The following DST variants were observed in gnomAD, a reference collection of about 807,000 sequenced individuals.
The protein encoded by DST is bullous pemphigoid antigen.
DST carries 253 observed loss-of-function variants against 875.2 expected under a neutral mutation model. The ratio of observed to expected loss-of-function variants is 0.29; its 90% confidence interval spans 0.26 to 0.32. The LOEUF (loss-of-function observed/expected upper bound fraction) is 0.32. Among genes scored for constraint, DST ranks in the 10% least tolerant of loss-of-function variants. The pLI, the probability that DST is intolerant of heterozygous loss-of-function variation, is 1.00. For missense variants in DST, 8,287 were observed against 9,111.6 expected, an observed-to-expected ratio of 0.91 and a Z score of 3.68; for synonymous variants, 3,124 against 3,197.1, an observed-to-expected ratio of 0.98 and a Z score of 0.77.
intron 61 of DST, among the ~76,000 whole-genome samples, chr6:56,545,934 TGAAAAC>T (rs2097213411): frequency 1.3e-5 from 2 of 152,186 alleles, no homozygotes; most frequent in Admixed American, 1.3e-4. Flanking sequence ...CATTAGCTAA[TGAAAAC>T]TGAAGGCATG....
At chr6:56,943,978 G>A (rs144693901) in intron 2 of DST, among the ~76,000 whole-genome samples, 6,207 of 152,026 alleles carry the variant, frequency 0.041, 173 homozygotes, top group Non-Finnish European at 0.066. Flanking sequence ...TTAGCTGGGC[G>A]TGGTGGTGAG....
rs765727532 is a variant in DST at position 56,606,472 on chromosome 6, T to C, written c.8156A>G (p.Gln2719Arg). 5 of 1,613,452 alleles carry C rather than the reference T, an allele frequency of 3.1e-6. No homozygotes were observed. The Admixed American group carries it at 8.4e-5, about 27-fold the overall frequency. ...CCTTTCTGATCCAGTTTCCAGTGAC[T>C]GTCCATTCACCTTATCTGAGCCAAC... ...NPVGSDKVNG[Q>R]SLETGSEREC... Residue 2719 changes from glutamine (Q) to arginine (R), a missense_variant, in exon 40 of 104, where the codon CAG becomes CGG. By Grantham distance (43) the Gln-to-Arg change is conservative. This residue lies in a region of DST where 3,138 missense variants were observed against 3,116.6 expected (regional missense o/e 1.01). Coordinates refer to ENST00000680361, the MANE Select transcript of DST (RefSeq NM_001374736.1).
chr6:56,672,779 ATTG>A lies in DST; in HGVS notation c.1048-1975_1048-1973del, dbSNP rs1298198211. Among the ~76,000 whole-genome samples, 3 of 152,152 alleles carry A rather than the reference ATTG, an allele frequency of 2.0e-5. No homozygotes were observed. The East Asian group carries it at 5.8e-4, about 29-fold the overall frequency. On this transcript the variant is annotated intron_variant, in intron 9 of 103. Coordinates refer to ENST00000680361, the MANE Select transcript of DST (RefSeq NM_001374736.1). ...ATGCATAATACAGATGAGCTATGTT[ATTG>A]TTGTAGTTATTGTTATTCTTTCTGA... is the stretch of plus-strand genomic sequence containing the variant.
In DST at chr6:56,752,956, T is replaced by TAAAA. The variant is rs573390156; in HGVS notation, c.626-17668_626-17667insTTTT. On this transcript the variant is annotated intron_variant, in intron 4 of 103. Coordinates refer to ENST00000680361, the MANE Select transcript of DST (RefSeq NM_001374736.1). ...ACAGACATGCACCACCACACCTGGCTAATTTTGTATTTTTAGTAGAGACGG... is the reference window on the plus strand; with the variant it reads ...ACAGACATGCACCACCACACCTGGCTAAAAAATTTTGTATTTTTAGTAGAGACGG... Among the ~76,000 whole-genome samples the TAAAA allele has an allele frequency of 1.2e-4, 19 of 152,188 alleles. No individual in the cohort carries two copies. In the South Asian group the frequency reaches 4.0e-3, roughly 32 times the overall value.
intron 5 of DST, 133 bp downstream of exon 5, chr6:56,735,095 T>C: frequency 1.4e-6 from 1 of 697,552 alleles, no homozygotes; most frequent in Non-Finnish European, 2.5e-6. Flanking sequence ...CTAAAATGCA[T>C]GCAAAATTCT....
rs948986432 is a variant in DST at position 56,619,036 on chromosome 6, C to T, written c.4930-4552G>A. Reference sequence around the variant, plus strand: ...GGATGATAATGTTCTGTTGGTCACACTTTTGCTTAAATTCACTTACCAAAT... The same window carrying T: ...GGATGATAATGTTCTGTTGGTCACATTTTTGCTTAAATTCACTTACCAAAT... On this transcript the variant is annotated intron_variant, in intron 36 of 103. Coordinates refer to ENST00000680361, the MANE Select transcript of DST (RefSeq NM_001374736.1). The T allele has an allele frequency of 1.3e-5, 21 of 1,614,184 alleles. No individual in the cohort carries two copies. Among genetic ancestry groups the T allele is most frequent in the Non-Finnish European group, 1.7e-5 (20 of 1,180,032 alleles).
In DST at chr6:56,472,088, G is replaced by A. The variant is rs751937573; in HGVS notation, c.22129C>T (p.Leu7377Phe). ...WLLALERRRK[L>F]NDALDRLEEL... ...TCTAGTCTGTCCAAGGCATCATTGA[G>A]TTTCCTCCTTCTTTCCAACGCCAGG... Residue 7377 changes from leucine to phenylalanine, a missense_variant, in exon 94 of 104, where the codon CTC becomes TTC. By Grantham distance (22) the Leu-to-Phe change is conservative. Around this residue, in one of 10 missense-constraint regions of DST, gnomAD observed 1,292 missense variants for 1,552.7 expected, o/e 0.83. Transcript: ENST00000680361. 4 of 1,613,926 alleles carry A rather than the reference G, an allele frequency of 2.5e-6. No individual in the cohort carries two copies. The highest frequency in any genetic ancestry group is 1.1e-5 in the South Asian group (1 of 91,074).
chr6:56,710,667 C>A (rs1293693468), intron 5 of DST, among the ~76,000 whole-genome samples: 1 of 152,030 alleles, frequency 6.6e-6, no homozygotes, highest in Non-Finnish European at 1.5e-5. Context: ...AAAATACACA[C>A]AAAAAATGCT....
At chr6:56,610,849 G>A (rs528415501) in intron 38 of DST, among the ~76,000 whole-genome samples, 2 of 152,172 alleles carry the variant, frequency 1.3e-5, no homozygotes, top group South Asian at 2.1e-4. Flanking sequence ...TCTGACAGAG[G>A]GTAAGGTCTC....
chr6:56,471,083 T>C (rs1300246306), intron 95 of DST, 23 bp downstream of exon 95: 5 of 1,603,488 alleles, frequency 3.1e-6, no homozygotes, highest in Non-Finnish European at 2.6e-6. Flanking sequence ...GTATCAGTCA[T>C]AGTCATCTGT....
intron 2 of DST, among the ~76,000 whole-genome samples, chr6:56,918,769 T>A (rs1802609672): frequency 6.6e-6 from 1 of 152,200 alleles, no homozygotes; most frequent in Non-Finnish European, 1.5e-5. Flanking sequence ...GGCATGCACC[T>A]GTAATCCCAG....
intron 37 of DST, among the ~76,000 whole-genome samples, chr6:56,613,132 A>G (rs2098558476): frequency 6.6e-6 from 1 of 152,186 alleles, no homozygotes; most frequent in Admixed American, 6.5e-5. Context: ...AATCTTTGTT[A>G]AGCTTTATGT....
rs1247464266 is a variant in DST at position 56,458,886 on chromosome 6, T to A, written c.*119A>T. The A allele has an allele frequency of 2.8e-6, 3 of 1,088,620 alleles. No homozygotes were observed. The highest frequency in any genetic ancestry group is 3.1e-5 in the African/African-American group (2 of 63,604). The allele number at this position is 1,088,620 out of a possible 1,614,324, so 67.4% of individuals were successfully genotyped here. On this transcript the variant is annotated 3_prime_UTR_variant, in exon 104 of 104. Transcript: ENST00000680361. ...AAAGACAAATACACAAATAAGGCCATCTGCAGAATTTTAAACTCGCCTCTT... is the reference window on the plus strand; with the variant it reads ...AAAGACAAATACACAAATAAGGCCAACTGCAGAATTTTAAACTCGCCTCTT...
chr6:56,504,564 C>A (rs1031056243), intron 77 of DST, among the ~76,000 whole-genome samples: 1 of 152,040 alleles, frequency 6.6e-6, no homozygotes, highest in African/African-American at 2.4e-5. Context: ...CATTAAGATC[C>A]TGCACATATA....
rs1044058756 is a variant in DST, at chr6:56,882,167, C to A, written c.417+18254G>T. Among the ~76,000 whole-genome samples the A allele has an allele frequency of 3.3e-5, 5 of 152,136 alleles. No homozygotes were observed. The East Asian group carries it at 7.7e-4, about 23-fold the overall frequency. ...ATCATAGTTCAAGAGAAATGGTTGT[C>A]CTGATGGCCAAGAAAAATAGGCTCA... On this transcript the variant is annotated intron_variant, in intron 3 of 103. Coordinates refer to ENST00000680361, the MANE Select transcript of DST (RefSeq NM_001374736.1).
In DST at chr6:56,463,545, G is replaced by C; in HGVS notation, c.22959+20C>G. 6.5e-7 allele frequency: 1 copy of C among 1,538,938 alleles called. No homozygotes were observed. The highest frequency in any genetic ancestry group is 8.7e-7 in the Non-Finnish European group (1 of 1,145,590). On this transcript the variant is annotated intron_variant, in intron 101 of 103. Transcript: ENST00000680361. Reference sequence around the variant, plus strand: ...CATTGATTGCAAAGGTGGAGGAAAAGTCTTCATCCTGAGTCTTACCTTGGG... The same window carrying C: ...CATTGATTGCAAAGGTGGAGGAAAACTCTTCATCCTGAGTCTTACCTTGGG...
chr6:56,615,569 T>C, intron 36 of DST: 1 of 1,614,134 alleles, frequency 6.2e-7, no homozygotes, highest in South Asian at 1.1e-5. Flanking sequence ...CTCAGATACT[T>C]CTAACAGTTT....
At chr6:56,672,877 A>AT (rs1252542829) in intron 9 of DST, among the ~76,000 whole-genome samples, 1 of 152,256 alleles carries the variant, frequency 6.6e-6, no homozygotes, top group African/African-American at 2.4e-5. Context: ...GAATAAAAGA[A>AT]TAAGTTTTTT....
chr6:56,693,376 A>G, intron 9 of DST: 1 of 1,120,064 alleles, frequency 8.9e-7, no homozygotes, highest in Non-Finnish European at 1.1e-6. Context: ...ACTGTGGCTT[A>G]TTTCTGGCCA....
Sources: allele counts gnomAD v4.1 joint callset (sites outside exome capture counted in the v4.1 genomes callset), GRCh38; gene constraint gnomAD v4.1.1; regional missense constraint gnomAD v4.1.1; transcripts MANE v1.5; gene names NCBI Gene and HGNC (gene_info 2026-07-23, HGNC 2026-07-21).